The following OR10S1 variants were observed in gnomAD, a reference collection of about 807,000 sequenced individuals.
The protein encoded by OR10S1 is olfactory receptor 10S1.
For missense variants in OR10S1, 415 were observed against 407.9 expected (o/e 1.02, Z -0.15); for synonymous variants, 167 against 164.1 (o/e 1.02, Z -0.13).
chr11:123,976,949 C>G, exon 1 of OR10S1: 1 of 1,613,856 alleles, frequency 6.2e-7, no homozygotes, highest in Non-Finnish European at 8.5e-7. Context: ...GGCCCGCTGC[C>G]GGCCCTGGGC....
exon 1 of OR10S1, chr11:123,977,591 G>A: frequency 6.2e-7 from 1 of 1,612,226 alleles, no homozygotes; most frequent in Non-Finnish European, 8.5e-7. Context: ...AGAATGTTTA[G>A]CGGTGTACCT....
Position 123,977,732 on chromosome 11 carries a change from G to T in OR10S1, c.-68C>A. On this transcript the variant is annotated 5_prime_UTR_variant, in exon 1 of 1. The change creates a premature stop within an existing upstream ORF in the 5' untranslated region. Coordinates refer to ENST00000641123, the Ensembl canonical transcript of OR10S1. ...ACTGACATTAATGGAATAAATAGCT[G>T]TATCCCTTTCCTGAGATGTCATTAT... 1 of 1,550,862 alleles carries T rather than the reference G, an allele frequency of 6.4e-7. No individual in the cohort carries two copies.
exon 1 of OR10S1, chr11:123,976,862 C>A: frequency 1.9e-6 from 3 of 1,614,134 alleles, no homozygotes; most frequent in African/African-American, 1.3e-5. Flanking sequence ...CTCACTGGAG[C>A]GAGGCTGCAG....
chr11:123,976,905 G>A, exon 1 of OR10S1: 1 of 1,614,074 alleles, frequency 6.2e-7, no homozygotes, highest in Non-Finnish European at 8.5e-7. Flanking sequence ...TAGTACAGGA[G>A]CACCCCAGTG....
At chr11:123,977,126 G>A (rs772047139) in exon 1 of OR10S1, 3 of 1,614,110 alleles carry the variant, frequency 1.9e-6, no homozygotes, top group African/African-American at 2.7e-5. Flanking sequence ...GAAGAAGTAG[G>A]CAATGTGGCA....
At chr11:123,977,014 G>T (rs1348775299) in exon 1 of OR10S1, 3 of 1,614,066 alleles carry the variant, frequency 1.9e-6, no homozygotes, top group Non-Finnish European at 2.5e-6. Flanking sequence ...TAACGATGAG[G>T]ATGAGGCAGC....
chr11:123,977,762 C>A, exon 1 of OR10S1: 1 of 1,353,146 alleles, frequency 7.4e-7, no homozygotes, highest in South Asian at 1.3e-5. Context: ...CATTATCCAT[C>A]AAGCCACACC....
At chr11:123,976,677 TGA>T (rs755836582) in exon 1 of OR10S1, 1 of 1,561,658 alleles carries the variant, frequency 6.4e-7, no homozygotes, top group Admixed American at 1.9e-5. Context: ...AGGCAAATTG[TGA>T]GTTTTGATAG....
chr11:123,976,947 G>C, exon 1 of OR10S1: 1 of 1,613,924 alleles, frequency 6.2e-7, no homozygotes, highest in African/African-American at 1.3e-5. Flanking sequence ...AAGGCCCGCT[G>C]CCGGCCCTGG....
At chr11:123,976,787 T>G (rs758960199) in exon 1 of OR10S1, 1 of 1,614,202 alleles carries the variant, frequency 6.2e-7, no homozygotes, top group Non-Finnish European at 8.5e-7. Flanking sequence ...CCGCAAAGTG[T>G]AAATGAATGG....
chr11:123,976,670 C>A (rs762263848), exon 1 of OR10S1: 3 of 1,556,560 alleles, frequency 1.9e-6, no homozygotes, highest in South Asian at 2.4e-5. Context: ...TCCTGGCAGG[C>A]AAATTGTGAG....
At chr11:123,977,576 A>G in exon 1 of OR10S1, 1 of 1,613,482 alleles carries the variant, frequency 6.2e-7, no homozygotes, top group East Asian at 2.2e-5. Context: ...GAGGAAGAAG[A>G]GGCTAGAATG....
exon 1 of OR10S1, chr11:123,977,297 A>G: frequency 6.2e-7 from 1 of 1,614,220 alleles, no homozygotes; most frequent in Non-Finnish European, 8.5e-7. Context: ...GTCATAGGCC[A>G]TGACTGTGTA....
chr11:123,977,123 T>C (rs951850680), exon 1 of OR10S1: 1 of 1,613,958 alleles, frequency 6.2e-7, no homozygotes, highest in Non-Finnish European at 8.5e-7. Flanking sequence ...GCAGAAGAAG[T>C]AGGCAATGTG....
chr11:123,977,125 G>A, exon 1 of OR10S1: 2 of 1,614,216 alleles, frequency 1.2e-6, no homozygotes, highest in South Asian at 2.2e-5. Flanking sequence ...AGAAGAAGTA[G>A]GCAATGTGGC....
chr11:123,976,761 G>T, exon 1 of OR10S1: 1 of 1,614,214 alleles, frequency 6.2e-7, no homozygotes. Flanking sequence ...TGCAGAGCAT[G>T]CTTCACCTCC....
At chr11:123,976,661 C>T (rs768769901) in exon 1 of OR10S1, 8 of 1,549,002 alleles carry the variant, frequency 5.2e-6, no homozygotes, top group African/African-American at 4.1e-5. Flanking sequence ...TAGTTGCTTT[C>T]CTGGCAGGCA....
chr11:123,977,410 G>A (rs746047640), exon 1 of OR10S1: 2 of 1,614,132 alleles, frequency 1.2e-6, no homozygotes, highest in Non-Finnish European at 1.7e-6. Flanking sequence ...GGCCTGCCAT[G>A]ACCTTGGGCA....
exon 1 of OR10S1, chr11:123,977,747 G>A: frequency 6.7e-7 from 1 of 1,488,078 alleles, no homozygotes; most frequent in Admixed American, 1.7e-5. Flanking sequence ...CCTTTCCTGA[G>A]ATGTCATTAT....
Sources: allele counts gnomAD v4.1 joint callset, GRCh38; gene constraint gnomAD v4.1.1; transcripts MANE v1.5; gene names NCBI Gene and HGNC (gene_info 2026-07-23, HGNC 2026-07-21).